Variants in TFDP2 observed in about 807,000 individuals in gnomAD.
The protein encoded by TFDP2 is transcription factor Dp-2.
Under a neutral mutation model 59.3 loss-of-function variants are expected in TFDP2, and 17 were observed. The ratio of observed to expected loss-of-function variants is 0.29; its 90% confidence interval spans 0.20 to 0.43. The LOEUF (loss-of-function observed/expected upper bound fraction) is 0.43, where lower values mean the gene tolerates loss of function less well. Among genes scored for constraint, TFDP2 ranks in the 20% least tolerant of loss-of-function variants. TFDP2 has a pLI of 1.00. For synonymous variants in TFDP2, 180 were observed against 194.7 expected (o/e 0.92, Z 0.63); for missense variants, 391 against 528.8 (o/e 0.74, Z 2.56).
intron 3 of TFDP2, among the ~76,000 whole-genome samples, chr3:142,070,539 T>C (rs1055864937): frequency 6.6e-6 from 1 of 152,172 alleles, no homozygotes; most frequent in Non-Finnish European, 1.5e-5. Flanking sequence ...CTTGGCTTCA[T>C]TAAGTGCTGG....
chr3:141,961,384 C>T (rs1389316648), intron 10 of TFDP2, among the ~76,000 whole-genome samples: 1 of 151,670 alleles, frequency 6.6e-6, no homozygotes, highest in Non-Finnish European at 1.5e-5. Context: ...GCTGGGAGTA[C>T]AGGCGCGTGC....
At chr3:141,973,104 TATATATATATATATATATA>T (rs1015848151) in intron 8 of TFDP2, among the ~76,000 whole-genome samples, 1 of 107,322 alleles carries the variant, frequency 9.3e-6, no homozygotes, top group African/African-American at 3.8e-5. Flanking sequence ...TATATATATA[TATATATATATATATATATA>T]TTTTTTTTTT....
At chr3:142,067,156 G>A (rs2060098645) in intron 3 of TFDP2, among the ~76,000 whole-genome samples, 1 of 152,224 alleles carries the variant, frequency 6.6e-6, no homozygotes, top group Non-Finnish European at 1.5e-5. Flanking sequence ...GTCCTAACCA[G>A]TGAAATTAGA....
At chr3:141,990,488 C>A (rs1184084977) in intron 6 of TFDP2, among the ~76,000 whole-genome samples, 1 of 152,020 alleles carries the variant, frequency 6.6e-6, no homozygotes, top group Non-Finnish European at 1.5e-5. Flanking sequence ...AAAACCTCAG[C>A]CTCTCAAAGT....
intron 3 of TFDP2, among the ~76,000 whole-genome samples, chr3:142,038,909 C>T (rs191136959): frequency 1.3e-5 from 2 of 152,270 alleles, no homozygotes; most frequent in African/African-American, 4.8e-5. Context: ...GTGATAGGCA[C>T]CCTTTGACTA....
chr3:141,966,160 T>G (rs1559931988), intron 9 of TFDP2, among the ~76,000 whole-genome samples: 1 of 151,932 alleles, frequency 6.6e-6, no homozygotes. Context: ...AACATAATGT[T>G]TTTATTATTA....
At chr3:142,117,017 G>A (rs1458711476) in intron 1 of TFDP2, among the ~76,000 whole-genome samples, 2 of 152,038 alleles carry the variant, frequency 1.3e-5, no homozygotes, top group Non-Finnish European at 2.9e-5. Context: ...AGCCTCACAA[G>A]CTCAAGCGAT....
At chr3:142,013,468 T>C (rs1192586327) in intron 3 of TFDP2, among the ~76,000 whole-genome samples, 1 of 152,212 alleles carries the variant, frequency 6.6e-6, no homozygotes, top group African/African-American at 2.4e-5. Flanking sequence ...TAAACAGTTT[T>C]TCCTAAGTGC....
chr3:142,122,349 ACCTATCTCTAAAATC>A (rs959937015), intron 1 of TFDP2, among the ~76,000 whole-genome samples: 3 of 152,050 alleles, frequency 2.0e-5, no homozygotes, highest in African/African-American at 7.2e-5. Flanking sequence ...CCAGCAAGAA[ACCTATCTCTAAAATC>A]CCTATCTCTA....
chr3:142,030,206 G>T (rs1311617544), intron 3 of TFDP2, among the ~76,000 whole-genome samples: 2 of 152,036 alleles, frequency 1.3e-5, no homozygotes, highest in African/African-American at 2.4e-5. Flanking sequence ...TACAATACAG[G>T]GTGTAAATTA....
chr3:142,114,862 T>C (rs775207353), intron 1 of TFDP2, among the ~76,000 whole-genome samples: 14 of 152,162 alleles, frequency 9.2e-5, no homozygotes, highest in Non-Finnish European at 1.9e-4. Context: ...TAGATGTATA[T>C]TTAAATGTAA....
chr3:142,072,280 C>G (rs1208545323), intron 3 of TFDP2, among the ~76,000 whole-genome samples: 1 of 152,196 alleles, frequency 6.6e-6, no homozygotes. Context: ...GATGTGGACA[C>G]TGTAGTTTAG....
At position 141,944,646 on chromosome 3, in the gene TFDP2, G is replaced by A. The variant is rs1016406022; in HGVS notation, c.*7867C>T. ...CCACCTCCAGCACTTCTGACTGAGC[G>A]TCTGGGACGCATCCTAGGATCGCAA... On this transcript the variant is annotated 3_prime_UTR_variant, in exon 13 of 13. Coordinates refer to ENST00000489671, the MANE Select transcript of TFDP2 (RefSeq NM_001178139.2). The A allele has an allele frequency of 4.6e-5, 7 of 152,126 alleles. No individual in the cohort carries two copies. Among genetic ancestry groups the A allele is most frequent in the Non-Finnish European group, 7.3e-5 (5 of 68,028 alleles). The allele number at this position is 152,126 out of a possible 1,614,324, so 9.4% of individuals were successfully genotyped here. A position where few individuals can be genotyped will look rare whatever the true frequency, so the allele number is the denominator to read the frequency against.
intron 8 of TFDP2, among the ~76,000 whole-genome samples, chr3:141,970,779 A>G (rs1001764994): frequency 5.3e-5 from 8 of 152,180 alleles, no homozygotes; most frequent in African/African-American, 1.9e-4. Flanking sequence ...ACATCATGGT[A>G]GGCTGGGTGT....
chr3:142,015,932 T>C (rs1945098597), intron 3 of TFDP2, among the ~76,000 whole-genome samples: 1 of 152,214 alleles, frequency 6.6e-6, no homozygotes, highest in Non-Finnish European at 1.5e-5. Context: ...CATCAGATTT[T>C]GAAAACTTAG....
At chr3:142,133,896 T>C (rs2062610527) in intron 1 of TFDP2, among the ~76,000 whole-genome samples, 1 of 151,746 alleles carries the variant, frequency 6.6e-6, no homozygotes, top group Admixed American at 6.6e-5. Context: ...TTTAAGAATA[T>C]TTTAAAATTG....
chr3:142,133,378 C>T (rs1456801350), intron 1 of TFDP2, among the ~76,000 whole-genome samples: 1 of 149,060 alleles, frequency 6.7e-6, no homozygotes, highest in Non-Finnish European at 1.5e-5. Context: ...CATCACACCC[C>T]GCTAATATTT....
At chr3:141,989,881 A>ATT (rs749856211) in intron 6 of TFDP2, among the ~76,000 whole-genome samples, 27 of 149,484 alleles carry the variant, frequency 1.8e-4, no homozygotes, top group Non-Finnish European at 2.8e-4. Context: ...TTACTTTAAT[A>ATT]ATAATAATAA....
chr3:142,054,676 G>A (rs1405242698), intron 3 of TFDP2, among the ~76,000 whole-genome samples: 2 of 151,802 alleles, frequency 1.3e-5, no homozygotes, highest in African/African-American at 2.4e-5. Flanking sequence ...ACATACCTAG[G>A]TTCAAATCCC....
Sources: gnomAD v4.1 joint callset for allele counts (sites outside exome capture counted in the v4.1 genomes callset) on GRCh38, gnomAD v4.1.1 for gene constraint, MANE v1.5 for transcripts, NCBI Gene and HGNC (gene_info 2026-07-23, HGNC 2026-07-21) for gene names.